Variants in ADGRL3 observed in about 807,000 individuals in gnomAD.
The protein encoded by ADGRL3 is adhesion G protein-coupled receptor L3, also known as calcium-independent alpha-latrotoxin receptor 3.
In ADGRL3, 62 loss-of-function variants were observed where a neutral mutation model predicts 153.5. That is an observed-to-expected ratio of 0.40 (90% CI 0.33 to 0.50). ADGRL3 has a LOEUF of 0.50. ADGRL3 is among the 20% of genes least tolerant of loss of function. The probability of loss-of-function intolerance (pLI) is 0.47; values close to 1 mark genes in which losing one functional copy is unlikely to be tolerated. For synonymous variants in ADGRL3, 710 were observed against 672.5 expected (o/e 1.06, Z -0.86); for missense variants, 1,641 against 1,859.4 (o/e 0.88, Z 2.16).
intron 4 of ADGRL3, among the ~76,000 whole-genome samples, chr4:61,553,295 T>G (rs183287499): frequency 1.3e-5 from 2 of 152,288 alleles, no homozygotes; most frequent in Admixed American, 6.5e-5. Context: ...CGTAAGCATC[T>G]CTGTACCTAA....
At chr4:61,749,195 A>T (rs2096717445) in intron 8 of ADGRL3, among the ~76,000 whole-genome samples, 1 of 152,048 alleles carries the variant, frequency 6.6e-6, no homozygotes, top group Non-Finnish European at 1.5e-5. Flanking sequence ...GCAATCATTA[A>T]AAAGTCAGGA....
chr4:61,437,325 T>TA (rs2097460419), intron 2 of ADGRL3, among the ~76,000 whole-genome samples: 1 of 152,164 alleles, frequency 6.6e-6, no homozygotes, highest in Non-Finnish European at 1.5e-5. Flanking sequence ...GAAAACATTC[T>TA]AAAAATATTC....
chr4:61,257,558 G>A (rs560742951), intron 1 of ADGRL3, among the ~76,000 whole-genome samples: 10 of 152,164 alleles, frequency 6.6e-5, no homozygotes, highest in Non-Finnish European at 1.3e-4. Context: ...CATAGTATTA[G>A]ACATACTAAA....
At chr4:61,739,348 C>T (rs2151898068) in intron 8 of ADGRL3, among the ~76,000 whole-genome samples, 1 of 151,466 alleles carries the variant, frequency 6.6e-6, no homozygotes, top group East Asian at 1.9e-4. Flanking sequence ...ACTGTGTTGC[C>T]CAGGCTGGAG....
At chr4:61,543,889 T>G (rs2098701997) in intron 4 of ADGRL3, among the ~76,000 whole-genome samples, 1 of 152,234 alleles carries the variant, frequency 6.6e-6, no homozygotes. Flanking sequence ...ATTTCACTGC[T>G]GTATCATCTT....
At chr4:61,872,602 A>G (rs2098452139) in intron 9 of ADGRL3, among the ~76,000 whole-genome samples, 1 of 151,274 alleles carries the variant, frequency 6.6e-6, no homozygotes, top group African/African-American at 2.4e-5. Flanking sequence ...TTTCATTCAG[A>G]CATTTACTTA....
At chr4:61,845,353 T>C (rs1347126212) in intron 9 of ADGRL3, among the ~76,000 whole-genome samples, 2 of 151,870 alleles carry the variant, frequency 1.3e-5, no homozygotes, top group Non-Finnish European at 2.9e-5. Flanking sequence ...AACTGTTTTG[T>C]AATTTTTATT....
rs957066168 is a variant in ADGRL3, at chr4:61,580,932, C to T, written c.260-6295C>T. Among the ~76,000 whole-genome samples the T allele has an allele frequency of 3.9e-5, 6 of 151,992 alleles. No homozygotes were observed. The East Asian group carries it at 1.2e-3, about 29-fold the overall frequency. The stretch of plus-strand genomic sequence containing the variant: ...AGAAGCGAGTCACTCAGTACATCCA[C>T]ATTCAAGAGAAAAGGGAAGAATACT... On this transcript the variant is annotated intron_variant, in intron 4 of 26. Coordinates refer to ENST00000683033, the MANE Select transcript of ADGRL3 (RefSeq NM_001387552.1).
intron 15 of ADGRL3, among the ~76,000 whole-genome samples, chr4:61,939,792 A>G (rs2098870976): frequency 6.6e-6 from 1 of 152,134 alleles, no homozygotes; most frequent in African/African-American, 2.4e-5. Context: ...TTTAGACCTC[A>G]TATAACTGGT....
At position 61,768,304 on chromosome 4, in the gene ADGRL3, C is replaced by T. The variant is rs182312741; in HGVS notation, c.1399+34750C>T. On this transcript the variant is annotated intron_variant, in intron 8 of 26. Transcript: ENST00000683033. Reference sequence around the variant, plus strand: ...AGATTACAGGGTGGAGGAGCGGAGGCTGAGGAAGAATTGGGGCCTAGCTTG... The same window carrying T: ...AGATTACAGGGTGGAGGAGCGGAGGTTGAGGAAGAATTGGGGCCTAGCTTG... Among the ~76,000 whole-genome samples the T allele has an allele frequency of 2.6e-3, 389 of 151,978 alleles. 6 individuals carry two copies. Among genetic ancestry groups the T allele is most frequent in the Non-Finnish European group, 4.6e-4 (31 of 67,982 alleles).
intron 1 of ADGRL3, among the ~76,000 whole-genome samples, chr4:61,318,489 G>T (rs2095283465): frequency 6.6e-6 from 1 of 152,038 alleles, no homozygotes; most frequent in Non-Finnish European, 1.5e-5. Flanking sequence ...GTAATGCTTA[G>T]AAAAGTTTGT....
chr4:61,347,850 T>TA (rs1414291877), intron 1 of ADGRL3, among the ~76,000 whole-genome samples: 1 of 152,090 alleles, frequency 6.6e-6, no homozygotes, highest in Non-Finnish European at 1.5e-5. Flanking sequence ...AGATCATTCT[T>TA]AAAAAATATT....
chr4:61,686,859 A>C (rs2095454380), intron 6 of ADGRL3, among the ~76,000 whole-genome samples: 1 of 152,018 alleles, frequency 6.6e-6, no homozygotes, highest in African/African-American at 2.4e-5. Flanking sequence ...CTATGAAATC[A>C]ACATTTTTTG....
intron 21 of ADGRL3, among the ~76,000 whole-genome samples, chr4:62,020,667 A>G (rs368196371): frequency 2.0e-5 from 3 of 152,148 alleles, no homozygotes; most frequent in African/African-American, 7.2e-5. Flanking sequence ...TAAGAAAAAA[A>G]CATTAAACGA....
At chr4:61,246,840 A>G (rs898470043) in intron 1 of ADGRL3, among the ~76,000 whole-genome samples, 3 of 151,784 alleles carry the variant, frequency 2.0e-5, no homozygotes, top group Non-Finnish European at 2.9e-5. Context: ...AAGAATATAT[A>G]TATGGGGGGA....
At chr4:61,614,317 C>G (rs534683279) in intron 5 of ADGRL3, among the ~76,000 whole-genome samples, 1 of 152,212 alleles carries the variant, frequency 6.6e-6, no homozygotes, top group Non-Finnish European at 1.5e-5. Context: ...GATCTCTTTC[C>G]AAACTTTGTA....
chr4:61,580,276 T>C (rs1279446384), intron 4 of ADGRL3, among the ~76,000 whole-genome samples: 1 of 152,098 alleles, frequency 6.6e-6, no homozygotes, highest in Non-Finnish European at 1.5e-5. Context: ...AAAAGAGCTC[T>C]TTTTTTCATA....
rs1422083244 is a variant in ADGRL3 at position 61,291,208 on chromosome 4, A to ACG, written c.-240+89444_-240+89445insGC. On this transcript the variant is annotated intron_variant, in intron 1 of 26. Transcript: ENST00000683033. ...CACACACACACACACACACACACAC[A>ACG]CACACACACGCACACACACACACCC... Among the ~76,000 whole-genome samples the ACG allele has an allele frequency of 4.5e-5, 6 of 132,952 alleles. 1 individual carries two copies. Among genetic ancestry groups the ACG allele is most frequent in the South Asian group, 2.6e-4 (1 of 3,780 alleles). The allele number at this position is 132,952 out of a possible 152,430, so 87.2% of individuals were successfully genotyped here.
At chr4:61,610,222 TATA>T (rs2099047823) in intron 5 of ADGRL3, among the ~76,000 whole-genome samples, 1 of 151,948 alleles carries the variant, frequency 6.6e-6, no homozygotes. Flanking sequence ...ACATTTAATA[TATA>T]ATATTTAAAT....
Sources: gnomAD v4.1 joint callset for allele counts (sites outside exome capture counted in the v4.1 genomes callset) on GRCh38, gnomAD v4.1.1 for gene constraint, MANE v1.5 for transcripts, NCBI Gene and HGNC (gene_info 2026-07-23, HGNC 2026-07-21) for gene names.